The following SLC6A12 variants were observed in gnomAD, a reference collection of about 807,000 sequenced individuals.
SLC6A12 encodes the protein solute carrier family 6 member 12.
In SLC6A12, 50 loss-of-function variants were observed where a neutral mutation model predicts 73.3. The ratio of observed to expected loss-of-function variants is 0.68; its 90% CI spans 0.54 to 0.86. SLC6A12 has a LOEUF of 0.86. Ranked by LOEUF, SLC6A12 falls within the 40% of genes least tolerant of loss-of-function variation. SLC6A12 has a pLI of 0.00. For synonymous variants in SLC6A12, 304 were observed against 309.2 expected (o/e 0.98, Z 0.18); for missense variants, 648 against 772.8 (o/e 0.84, Z 1.92).
In SLC6A12 at chr12:192,617, G is replaced by C. The variant is rs1437153517; in HGVS notation, c.1562C>G (p.Thr521Ser). 6.2e-7 allele frequency: 1 copy of C among 1,614,130 alleles called. No individual in the cohort carries two copies. Among genetic ancestry groups the C allele is most frequent in the Non-Finnish European group, 8.5e-7 (1 of 1,180,016 alleles). ...ATAGACGTTGTTGTACTTGAGGGGG[G>C]TGTACTTGCTCAAGGAGAAGAGGAA... is the stretch of plus-strand genomic sequence containing the variant. ...ATFLFSLSKY[T>S]PLKYNNVYVY... The change falls in exon 15 of 16, where the codon ACC (threonine) becomes AGC (serine). Residue 521 changes from threonine to serine, a missense_variant. Physicochemically the swap from Thr to Ser is moderately conservative, Grantham distance 58. Coordinates refer to ENST00000684302, the MANE Select transcript of SLC6A12 (RefSeq NM_001122848.3).
chr12:188,201 G>A (rs1430720169), downstream of SLC6A12, among the ~76,000 whole-genome samples: 2 of 152,226 alleles, frequency 1.3e-5, no homozygotes, highest in Non-Finnish European at 2.9e-5. Context: ...GGGCCGCACA[G>A]GAGCCCATGG....
At chr12:187,936 T>C (rs1328487680), downstream of SLC6A12, among the ~76,000 whole-genome samples, 4 of 152,134 alleles carry the variant, frequency 2.6e-5, 1 homozygote, top group South Asian at 4.2e-4. Context: ...AGGGTGCTGA[T>C]TGGTGTGTTT....
At chr12:212,262 G>A (rs963248020) in intron 1 of SLC6A12, among the ~76,000 whole-genome samples, 152 bp from the exon 2 acceptor site, 6 of 152,260 alleles carry the variant, frequency 3.9e-5, no homozygotes, top group African/African-American at 1.4e-4. Context: ...AGGGCCCTTA[G>A]GGCGGTGGTC....
chr12:187,589 CAAAAAAA>C (rs761187495), downstream of SLC6A12, among the ~76,000 whole-genome samples: 17 of 106,042 alleles, frequency 1.6e-4, no homozygotes, highest in Admixed American at 5.1e-4. Context: ...TGCAAAAGAG[CAAAAAAA>C]AAAAAAAAAA....
intron 4 of SLC6A12, among the ~76,000 whole-genome samples, 179 bp from the exon 5 acceptor site, chr12:203,059 C>CTTTTTTTTTTTTTTTTTTTTTTTTT (rs10582500): frequency 1.2e-4 from 8 of 68,340 alleles, no homozygotes; most frequent in Non-Finnish European, 1.5e-4. Context: ...TTTTTCTTTT[C>CTTTTTTTTTTTTTTTTTTTTTTTTT]TTTTTTTTTT....
downstream of SLC6A12, among the ~76,000 whole-genome samples, chr12:187,325 T>C (rs1939448656): frequency 6.6e-6 from 1 of 152,074 alleles, no homozygotes; most frequent in African/African-American, 2.4e-5. Context: ...CCGGAGTTTG[T>C]TCCTTCTAAC....
chr12:197,555 A>G (rs945765872), intron 9 of SLC6A12, 54 bp from the exon 10 acceptor site: 1 of 1,564,642 alleles, frequency 6.4e-7, no homozygotes, highest in Non-Finnish European at 8.7e-7. Context: ...AGAGGAAGAG[A>G]GAGAGATCAG....
downstream of SLC6A12, among the ~76,000 whole-genome samples, chr12:187,331 C>T (rs1362616584): frequency 2.0e-5 from 3 of 152,068 alleles, no homozygotes; most frequent in South Asian, 2.1e-4. Flanking sequence ...TTTGTTCCTT[C>T]TAACGTTCAG....
At chr12:207,430 A>C (rs964626902) in intron 3 of SLC6A12, among the ~76,000 whole-genome samples, 6 of 152,228 alleles carry the variant, frequency 3.9e-5, no homozygotes, top group Non-Finnish European at 5.9e-5. Context: ...AGTGATTTCT[A>C]GTTCAGGGGC....
intron 3 of SLC6A12, 103 bp downstream of exon 3, chr12:209,670 T>C: frequency 7.8e-7 from 1 of 1,277,516 alleles, no homozygotes; most frequent in Non-Finnish European, 1.1e-6. Flanking sequence ...AAAATAGCCC[T>C]CCTTTTATAA....
At chr12:209,377 C>T (rs1186067682) in intron 3 of SLC6A12, among the ~76,000 whole-genome samples, 1 of 152,220 alleles carries the variant, frequency 6.6e-6, no homozygotes, top group African/African-American at 2.4e-5. Flanking sequence ...TCAGAATCCT[C>T]CCACGGAGGG....
downstream of SLC6A12, among the ~76,000 whole-genome samples, chr12:185,395 G>A (rs948349050): frequency 6.6e-6 from 1 of 152,250 alleles, no homozygotes; most frequent in East Asian, 1.9e-4. Context: ...AGTCCTGCTT[G>A]GGGAAGGGAC....
At chr12:208,755 G>A (rs149405782) in intron 3 of SLC6A12, among the ~76,000 whole-genome samples, 62 of 152,114 alleles carry the variant, frequency 4.1e-4, no homozygotes, top group African/African-American at 1.4e-3. Flanking sequence ...TGATGAAAAT[G>A]TTCCAAAAGT....
chr12:187,622 AAAAAAAAAAC>A (rs1565461364), downstream of SLC6A12, among the ~76,000 whole-genome samples: 32 of 39,824 alleles, frequency 8.0e-4, no homozygotes, highest in African/African-American at 2.3e-3. Flanking sequence ...AAAAAAAAAA[AAAAAAAAAAC>A]AAACCACACA....
intron 3 of SLC6A12, among the ~76,000 whole-genome samples, chr12:206,064 G>T (rs1401389145): frequency 6.6e-6 from 1 of 152,074 alleles, no homozygotes; most frequent in Non-Finnish European, 1.5e-5. Flanking sequence ...TTCTCTTTGT[G>T]TGTGTGTATG....
At position 213,122 on chromosome 12, in the gene SLC6A12, C is replaced by T. The variant is rs962308622; in HGVS notation, c.-143+800G>A. ...GCTGCTGCCCATGTGCTGCTGGGAT[C>T]CCAGCTCTGTCCCCTTTGCTCCCCA... is the stretch of plus-strand genomic sequence containing the variant. On this transcript the variant is annotated intron_variant, in intron 1 of 15. Transcript: ENST00000684302. The surrounding 1 kb of genome is among the most constrained non-coding windows in gnomAD (Gnocchi z 5.3). Among the ~76,000 whole-genome samples, 1 of 152,174 alleles carries T rather than the reference C, an allele frequency of 6.6e-6. No homozygotes were observed. Among genetic ancestry groups the T allele is most frequent in the African/African-American group, 2.4e-5 (1 of 41,428 alleles).
downstream of SLC6A12, among the ~76,000 whole-genome samples, chr12:186,830 G>A (rs1398544952): frequency 1.3e-5 from 2 of 152,200 alleles, no homozygotes; most frequent in African/African-American, 4.8e-5. Flanking sequence ...AGGATTCATG[G>A]ATGAATAGCA....
chr12:200,236 A>G (rs371571399), intron 7 of SLC6A12, among the ~76,000 whole-genome samples: 22,370 of 144,956 alleles, frequency 0.15, 1,976 homozygotes, highest in African/African-American at 0.21. Context: ...AGCCTCCTGC[A>G]TAGCTGGGAC....
At position 190,513 on chromosome 12, in the gene SLC6A12, G is replaced by C. The variant is rs1049647529; in HGVS notation, c.*555C>G. On this transcript the variant is annotated 3_prime_UTR_variant, in exon 16 of 16. Coordinates refer to ENST00000684302, the MANE Select transcript of SLC6A12 (RefSeq NM_001122848.3). ...CTAGGGCAGGAGCTGGAGATGCCAT[G>C]AGAGACTCGGAGGAAACTCCAGACT... The C allele has an allele frequency of 7.9e-5, 12 of 152,214 alleles. No individual in the cohort carries two copies. Among genetic ancestry groups the C allele is most frequent in the African/African-American group, 2.9e-4 (12 of 41,444 alleles). The allele number at this position is 152,214 out of a possible 1,614,324, so 9.4% of individuals were successfully genotyped here. A position where few individuals can be genotyped will look rare whatever the true frequency, so the allele number is the denominator to read the frequency against.
Sources: gnomAD v4.1 joint callset for allele counts (sites outside exome capture counted in the v4.1 genomes callset) on GRCh38, gnomAD v4.1.1 for gene constraint, Gnocchi (gnomAD v3.1) non-coding constraint, MANE v1.5 for transcripts, NCBI Gene and HGNC (gene_info 2026-07-23, HGNC 2026-07-21) for gene names.